Variants in CRCP observed in about 807,000 individuals in gnomAD.
CRCP encodes CGRP receptor component.
In CRCP, 18 loss-of-function variants were observed where a neutral mutation model predicts 18.5. The observed-to-expected ratio is 0.97, with a 90% confidence interval of 0.67 to 1.44. CRCP has a LOEUF of 1.44. Among genes scored for constraint, CRCP ranks in the 40% most tolerant of loss-of-function variants. The pLI is 0.00. For synonymous variants in CRCP, 53 were observed against 62.9 expected (o/e 0.84, Z 0.75); for missense variants, 130 against 176.4 (o/e 0.74, Z 1.49).
chr7:66,118,768 C>T (rs1787348313), intron 1 of CRCP, among the ~76,000 whole-genome samples: 1 of 152,138 alleles, frequency 6.6e-6, no homozygotes, highest in Non-Finnish European at 1.5e-5. Flanking sequence ...ACTACCATAG[C>T]CTTTATTACT....
chr7:66,149,449 T>C (rs1333974820), intron 5 of CRCP, among the ~76,000 whole-genome samples: 1 of 151,924 alleles, frequency 6.6e-6, no homozygotes, highest in Non-Finnish European at 1.5e-5. Flanking sequence ...AGCCCAGGAG[T>C]TTGAGACTGC....
chr7:66,126,440 C>G (rs1787620669), intron 1 of CRCP, among the ~76,000 whole-genome samples: 1 of 149,286 alleles, frequency 6.7e-6, no homozygotes, highest in South Asian at 2.1e-4. Flanking sequence ...CCAGTTCAGT[C>G]TCATTTCCCA....
intron 1 of CRCP, among the ~76,000 whole-genome samples, chr7:66,118,595 C>G (rs959464207): frequency 1.3e-5 from 2 of 152,124 alleles, no homozygotes; most frequent in Admixed American, 6.6e-5. Context: ...GGACCCCCTG[C>G]GTATACCAAA....
Position 66,134,201 on chromosome 7 carries a change from C to T in CRCP, c.145-79C>T, listed in dbSNP as rs76259754. The T allele has an allele frequency of 7.3e-3, 7,949 of 1,093,854 alleles. 38 individuals carry two copies. The highest frequency in any genetic ancestry group is 8.9e-3 in the Non-Finnish European group (6,573 of 737,308). 67.8% of individuals were successfully genotyped at this position (1,093,854 alleles called of 1,614,324 possible). A position where few individuals can be genotyped will look rare whatever the true frequency, so the allele number is the denominator to read the frequency against. On this transcript the variant is annotated intron_variant, in intron 3 of 5. Coordinates refer to ENST00000395326, the MANE Select transcript of CRCP (RefSeq NM_014478.5). ...AAACAAAATTTTAGAATTTTAATTA[C>T]AGTCATTGCCTTTGTTTTTTCTCAT...
chr7:66,131,701 A>G (rs937168669), intron 3 of CRCP, among the ~76,000 whole-genome samples: 1 of 152,186 alleles, frequency 6.6e-6, no homozygotes, highest in African/African-American at 2.4e-5. Flanking sequence ...CTGTGTAATC[A>G]TGAGAAAGCA....
rs1368377880 is a variant in CRCP at position 66,154,439 on chromosome 7, G to C, written c.*2082G>C. Reference sequence around the variant, plus strand: ...CTGAATATGTTAGGTGGTTTTTCTTGATGGATTTAGGGTTAACCTAGTTAA... The same window carrying C: ...CTGAATATGTTAGGTGGTTTTTCTTCATGGATTTAGGGTTAACCTAGTTAA... On this transcript the variant is annotated 3_prime_UTR_variant, in exon 6 of 6. Coordinates refer to ENST00000395326, the MANE Select transcript of CRCP (RefSeq NM_014478.5). 1 of 151,844 alleles carries C rather than the reference G, an allele frequency of 6.6e-6. No individual in the cohort carries two copies. The highest frequency in any genetic ancestry group is 6.6e-5 in the Admixed American group (1 of 15,220). The allele number at this position is 151,844 out of a possible 1,614,324, so 9.4% of individuals were successfully genotyped here.
At chr7:66,127,642 G>T in intron 1 of CRCP, 62 bp from the exon 2 acceptor site, 1 of 1,579,782 alleles carries the variant, frequency 6.3e-7, no homozygotes. Flanking sequence ...TTCTTTTACA[G>T]AATTTGATAC....
chr7:66,145,782 C>T (rs1003157178), intron 5 of CRCP, among the ~76,000 whole-genome samples: 3 of 152,208 alleles, frequency 2.0e-5, no homozygotes, highest in Non-Finnish European at 4.4e-5. Context: ...TCCCTGTAGG[C>T]GTTGTTGCCA....
Position 66,117,117 on chromosome 7 carries a change from CAAA to C in CRCP, c.8+2165_8+2167del, listed in dbSNP as rs34224463. Among the ~76,000 whole-genome samples, 65 of 81,140 alleles carry C rather than the reference CAAA, an allele frequency of 8.0e-4. 1 individual carries two copies. Among genetic ancestry groups the C allele is most frequent in the South Asian group, 4.8e-3 (13 of 2,726 alleles). 53.2% of individuals were successfully genotyped at this position (81,140 alleles called of 152,430 possible). ...CCTAGGTGACAGGGCAAGACTGTCT[CAAA>C]AAAAAAAAAAAAAAAAACCTGATCC... is the stretch of plus-strand genomic sequence containing the variant. On this transcript the variant is annotated intron_variant, in intron 1 of 5. Transcript: ENST00000395326.
chr7:66,130,633 G>C (rs1787771073), intron 2 of CRCP, 111 bp from the exon 3 acceptor site: 1 of 510,076 alleles, frequency 2.0e-6, no homozygotes, highest in Non-Finnish European at 3.5e-6. Flanking sequence ...TGGGTGATGG[G>C]CGGGTGAAAG....
At chr7:66,115,941 C>A (rs1397393570) in intron 1 of CRCP, among the ~76,000 whole-genome samples, 1 of 152,134 alleles carries the variant, frequency 6.6e-6, no homozygotes, top group Admixed American at 6.6e-5. Context: ...GGACTACAGG[C>A]CCACGCCATC....
chr7:66,132,141 A>G (rs1196278732), intron 3 of CRCP, among the ~76,000 whole-genome samples: 1 of 89,982 alleles, frequency 1.1e-5, no homozygotes, highest in African/African-American at 4.4e-5. Context: ...TGATGTTAAT[A>G]TCTTACATAA....
intron 4 of CRCP, among the ~76,000 whole-genome samples, chr7:66,144,906 T>G (rs1788248256): frequency 6.6e-6 from 1 of 152,162 alleles, no homozygotes; most frequent in South Asian, 2.1e-4. Flanking sequence ...CTTACCACTT[T>G]GGGAGGTCGA....
Position 66,131,153 on chromosome 7 carries a change from T to C in CRCP, c.144+311T>C, listed in dbSNP as rs1584076941. Reference sequence around the variant, plus strand: ...CCACGGCCAGCTGATTTTTTGTATTTTTAGTAGAGACAGGGTTTCACCATG... The same window carrying C: ...CCACGGCCAGCTGATTTTTTGTATTCTTAGTAGAGACAGGGTTTCACCATG... On this transcript the variant is annotated intron_variant, in intron 3 of 5. Transcript: ENST00000395326. 2.6e-5 allele frequency among the ~76,000 whole-genome samples: 4 copies of C among 152,084 alleles called. No individual in the cohort carries two copies. In the South Asian group the frequency reaches 8.3e-4, roughly 32 times the overall value.
At chr7:66,146,649 T>C (rs534991519) in intron 5 of CRCP, among the ~76,000 whole-genome samples, 1 of 152,312 alleles carries the variant, frequency 6.6e-6, no homozygotes, top group South Asian at 2.1e-4. Flanking sequence ...TTTACTAAAT[T>C]GTTCATTGTC....
At chr7:66,143,418 CT>C (rs1788197370) in intron 4 of CRCP, among the ~76,000 whole-genome samples, 2 of 152,188 alleles carry the variant, frequency 1.3e-5, no homozygotes, top group Non-Finnish European at 2.9e-5. Flanking sequence ...TGTCCCACCC[CT>C]CTCTAGCTGT....
chr7:66,144,441 A>G (rs1310402247), intron 4 of CRCP, among the ~76,000 whole-genome samples: 2 of 152,202 alleles, frequency 1.3e-5, no homozygotes, highest in African/African-American at 4.8e-5. Flanking sequence ...TCATCTCAAA[A>G]AGGAATTTAC....
intron 4 of CRCP, among the ~76,000 whole-genome samples, chr7:66,136,287 A>G (rs1341329216): frequency 1.3e-5 from 2 of 151,784 alleles, no homozygotes; most frequent in Non-Finnish European, 2.9e-5. Context: ...CTGGAGTGCA[A>G]TGGTGCAATC....
In CRCP at chr7:66,152,757, G is replaced by C. The variant is rs1302018354; in HGVS notation, c.*400G>C. On this transcript the variant is annotated 3_prime_UTR_variant, in exon 6 of 6. Transcript: ENST00000395326. ...AACTTACTAAGGGGCCCAGAGCACT[G>C]TTGGAAGTCTGGTTAGAGTCCCCAG... 2 of 175,168 alleles carry C rather than the reference G, an allele frequency of 1.1e-5. No individual in the cohort carries two copies. The highest frequency in any genetic ancestry group is 4.8e-5 in the African/African-American group (2 of 41,940). 10.9% of individuals were successfully genotyped at this position (175,168 alleles called of 1,614,324 possible). A position where few individuals can be genotyped will look rare whatever the true frequency, so the allele number is the denominator to read the frequency against.
Sources: gnomAD v4.1 joint callset for allele counts (sites outside exome capture counted in the v4.1 genomes callset) on GRCh38, gnomAD v4.1.1 for gene constraint, MANE v1.5 for transcripts, NCBI Gene and HGNC (gene_info 2026-07-23, HGNC 2026-07-21) for gene names.